CDH18: variants seen among roughly 807,000 people sequenced by gnomAD.
The protein encoded by CDH18 is cadherin-18.
Under a neutral mutation model 67.9 loss-of-function variants are expected in CDH18, and 31 were observed. The observed-to-expected ratio is 0.46, with a 90% CI of 0.34 to 0.62. The LOEUF (loss-of-function observed/expected upper bound fraction) is 0.62. Among genes scored for constraint, CDH18 ranks in the 20% least tolerant of loss-of-function variants. CDH18 has a pLI of 0.01. For synonymous variants in CDH18, 362 were observed against 347.2 expected (o/e 1.04, Z -0.48); for missense variants, 890 against 975.5 (o/e 0.91, Z 1.17).
chr5:19,947,954 A>C (rs1795434252), intron 2 of CDH18, among the ~76,000 whole-genome samples: 1 of 152,148 alleles, frequency 6.6e-6, no homozygotes, highest in African/African-American at 2.4e-5. Context: ...AATACATCCA[A>C]TTAGAAAATG....
At chr5:19,942,559 T>C (rs1312773514) in intron 2 of CDH18, among the ~76,000 whole-genome samples, 3 of 152,204 alleles carry the variant, frequency 2.0e-5, no homozygotes, top group South Asian at 2.1e-4. Flanking sequence ...CCTTGACTTC[T>C]GGTTTTCAAT....
At chr5:19,808,887 G>C (rs2149884569) in intron 3 of CDH18, among the ~76,000 whole-genome samples, 1 of 143,648 alleles carries the variant, frequency 7.0e-6, no homozygotes, top group African/African-American at 2.5e-5. Flanking sequence ...TCTACAATTA[G>C]TTATAAAGAA....
chr5:19,617,939 T>C (rs1296561013), intron 5 of CDH18, among the ~76,000 whole-genome samples: 1 of 152,170 alleles, frequency 6.6e-6, no homozygotes, highest in East Asian at 1.9e-4. Flanking sequence ...ACTAATAATA[T>C]TCATATAGCA....
At chr5:20,538,451 G>T (rs1335022464) in intron 1 of CDH18, among the ~76,000 whole-genome samples, 2 of 152,088 alleles carry the variant, frequency 1.3e-5, no homozygotes, top group Non-Finnish European at 2.9e-5. Flanking sequence ...AATTGTGATT[G>T]TATTTGCTAT....
intron 1 of CDH18, among the ~76,000 whole-genome samples, chr5:20,289,827 G>C (rs116109835): frequency 1.7e-3 from 262 of 152,072 alleles, no homozygotes; most frequent in African/African-American, 5.9e-3. Context: ...AGGGTCACCA[G>C]AGGCAAAAAA....
At chr5:20,376,868 T>A (rs1245783663) in intron 1 of CDH18, among the ~76,000 whole-genome samples, 1 of 151,766 alleles carries the variant, frequency 6.6e-6, no homozygotes, top group Non-Finnish European at 1.5e-5. Flanking sequence ...AGTACTAAAA[T>A]TAGCCGGGCG....
rs543686742 is a variant in CDH18, at chr5:19,661,152, A to G, written c.644-48551T>C. Among the ~76,000 whole-genome samples the G allele has an allele frequency of 1.1e-4, 17 of 152,146 alleles. 1 individual carries two copies. Among genetic ancestry groups the G allele is most frequent in the Admixed American group, 9.2e-4 (14 of 15,246 alleles). On this transcript the variant is annotated intron_variant, in intron 5 of 12. Coordinates refer to ENST00000382275, the MANE Select transcript of CDH18 (RefSeq NM_004934.5). Reference sequence around the variant, plus strand: ...TTTGAAAAAAAAAAGTTACATTTACATAGCTAATTATATTAGCACTTATTT... The same window carrying G: ...TTTGAAAAAAAAAAGTTACATTTACGTAGCTAATTATATTAGCACTTATTT...
intron 8 of CDH18, among the ~76,000 whole-genome samples, chr5:19,564,279 C>G (rs1421702604): frequency 6.6e-6 from 1 of 152,176 alleles, no homozygotes; most frequent in Non-Finnish European, 1.5e-5. Flanking sequence ...CACTCCTCCC[C>G]CAACCGCAGG....
Position 19,642,600 on chromosome 5 carries a change from T to C in CDH18, c.644-29999A>G, listed in dbSNP as rs115480660. On this transcript the variant is annotated intron_variant, in intron 5 of 12. Transcript: ENST00000382275. ...ATTATAATCTCTTTGAAAAATAGTGTTGGGAAAACTGGACATTCCATGCAG... is the reference window on the plus strand; with the variant it reads ...ATTATAATCTCTTTGAAAAATAGTGCTGGGAAAACTGGACATTCCATGCAG... Among the ~76,000 whole-genome samples the C allele has an allele frequency of 7.4e-3, 1,131 of 152,092 alleles. 19 individuals carry two copies. Among genetic ancestry groups the C allele is most frequent in the African/African-American group, 0.026 (1,087 of 41,520 alleles).
intron 1 of CDH18, among the ~76,000 whole-genome samples, chr5:20,359,510 T>A (rs530033688): frequency 2.6e-4 from 40 of 152,308 alleles, no homozygotes; most frequent in Admixed American, 5.9e-4. Flanking sequence ...CATATTTTCT[T>A]TATAAACTAT....
intron 1 of CDH18, among the ~76,000 whole-genome samples, chr5:20,455,237 A>G (rs1281294364): frequency 6.6e-6 from 1 of 151,906 alleles, no homozygotes; most frequent in African/African-American, 2.4e-5. Flanking sequence ...GGCCACAAAC[A>G]CCCTGTTGGG....
chr5:20,137,552 T>G (rs1749843288), intron 2 of CDH18, among the ~76,000 whole-genome samples: 1 of 152,092 alleles, frequency 6.6e-6, no homozygotes, highest in African/African-American at 2.4e-5. Context: ...TCAGAGGAGT[T>G]TGTTATTACT....
intron 2 of CDH18, among the ~76,000 whole-genome samples, chr5:20,137,857 G>A (rs577548091): frequency 3.3e-5 from 5 of 152,022 alleles, no homozygotes; most frequent in Non-Finnish European, 7.4e-5. Context: ...AGGATCATAT[G>A]GATTCACAGC....
intron 2 of CDH18, among the ~76,000 whole-genome samples, chr5:20,007,672 A>AGTGTGTGTGTGT (rs145213048): frequency 1.3e-3 from 178 of 140,232 alleles, no homozygotes; most frequent in Middle Eastern, 3.8e-3. Flanking sequence ...GTGTGTGGAA[A>AGTGTGTGTGTGT]GTGTGTGTGT....
intron 2 of CDH18, among the ~76,000 whole-genome samples, chr5:20,196,334 C>T (rs1458725801): frequency 6.6e-6 from 1 of 152,012 alleles, no homozygotes; most frequent in Non-Finnish European, 1.5e-5. Context: ...TATTAAATAG[C>T]AACCATTCTT....
In CDH18 at chr5:19,887,726, T is replaced by C. The variant is rs1037558068; in HGVS notation, c.-256-48484A>G. ...CTGTGACCACAGGTGCACACCACCA[T>C]GTGTTTTTTTTTTTTTTAATTTTTT... On this transcript the variant is annotated intron_variant, in intron 2 of 12. Coordinates refer to ENST00000382275, the MANE Select transcript of CDH18 (RefSeq NM_004934.5). Among the ~76,000 whole-genome samples the C allele has an allele frequency of 4.0e-5, 6 of 151,264 alleles. No individual in the cohort carries two copies. In the East Asian group the frequency reaches 1.2e-3, roughly 30 times the overall value.
At chr5:20,071,259 G>A (rs997618954) in intron 2 of CDH18, among the ~76,000 whole-genome samples, 1 of 151,988 alleles carries the variant, frequency 6.6e-6, no homozygotes, top group African/African-American at 2.4e-5. Flanking sequence ...TGAAGATCCT[G>A]TCAAGACTTA....
At chr5:19,885,193 T>C (rs1788069439) in intron 2 of CDH18, among the ~76,000 whole-genome samples, 1 of 152,188 alleles carries the variant, frequency 6.6e-6, no homozygotes, top group African/African-American at 2.4e-5. Context: ...TATCTTTGAC[T>C]ATCTCTCTGG....
chr5:19,804,119 T>TAAA (rs1777773577), intron 3 of CDH18: 4 of 103,160 alleles, frequency 3.9e-5, no homozygotes, highest in Admixed American at 2.2e-4. Flanking sequence ...AGACTTTGTC[T>TAAA]CAAAAAAAAA....
Sources: allele counts gnomAD v4.1 joint callset (sites outside exome capture counted in the v4.1 genomes callset), GRCh38; gene constraint gnomAD v4.1.1; transcripts MANE v1.5; gene names NCBI Gene and HGNC (gene_info 2026-07-23, HGNC 2026-07-21).